Variants in XKR4 observed in about 807,000 individuals in gnomAD.
XKR4 encodes the protein XK related 4, also known as XK-related protein 4.
XKR4 carries 12 observed loss-of-function variants against 53.9 expected under a neutral mutation model. The observed-to-expected ratio is 0.22, with a 90% CI of 0.14 to 0.36. XKR4 has a LOEUF of 0.36. Ranked by LOEUF, XKR4 falls within the 10% of genes least tolerant of loss-of-function variation. XKR4 has a pLI of 1.00. For missense variants in XKR4, 799 were observed against 859.5 expected, an observed-to-expected ratio of 0.93 and a Z score of 0.88; for synonymous variants, 354 against 362.4, an observed-to-expected ratio of 0.98 and a Z score of 0.26.
chr8:55,251,680 A>G (rs1818364183), intron 1 of XKR4, among the ~76,000 whole-genome samples: 1 of 152,186 alleles, frequency 6.6e-6, no homozygotes, highest in African/African-American at 2.4e-5. Flanking sequence ...CTTTTAAGAC[A>G]GTAGGTGTGG....
intron 2 of XKR4, among the ~76,000 whole-genome samples, chr8:55,472,655 C>T (rs796657579): frequency 6.6e-6 from 1 of 151,982 alleles, no homozygotes; most frequent in South Asian, 2.1e-4. Flanking sequence ...CAAGGTGATG[C>T]GCACTGTCAT....
chr8:55,448,494 G>C (rs559796539), intron 2 of XKR4, among the ~76,000 whole-genome samples: 29 of 152,234 alleles, frequency 1.9e-4, no homozygotes, highest in Non-Finnish European at 2.9e-4. Context: ...GCACATCTGC[G>C]TAATGTCTAG....
intron 2 of XKR4, among the ~76,000 whole-genome samples, chr8:55,464,311 G>C (rs1031807390): frequency 1.3e-5 from 2 of 152,096 alleles, no homozygotes; most frequent in African/African-American, 4.8e-5. Context: ...GGGATGCAAG[G>C]CTGGTTCAAC....
Position 55,148,403 on chromosome 8 carries a change from T to TA in XKR4, c.806+45118dup, listed in dbSNP as rs201984153. The stretch of plus-strand genomic sequence containing the variant: ...GTGGGTAACAGAGGAAGACCCTGTC[T>TA]AAAAAAAAATATATATATATATACC... On this transcript the variant is annotated intron_variant, in intron 1 of 2. Transcript: ENST00000327381. 5.3e-5 allele frequency among the ~76,000 whole-genome samples: 8 copies of TA among 150,252 alleles called. No individual in the cohort carries two copies. In the East Asian group the frequency reaches 5.9e-4, roughly 11 times the overall value.
At chr8:55,465,017 C>T (rs1294363048) in intron 2 of XKR4, among the ~76,000 whole-genome samples, 1 of 152,084 alleles carries the variant, frequency 6.6e-6, no homozygotes, top group Non-Finnish European at 1.5e-5. Context: ...ACATTCCATG[C>T]TCATGGGTAG....
intron 2 of XKR4, among the ~76,000 whole-genome samples, chr8:55,488,284 T>A (rs530730065): frequency 6.6e-6 from 1 of 152,286 alleles, no homozygotes; most frequent in Admixed American, 6.5e-5. Flanking sequence ...TGCAGCCACT[T>A]TGGAAAAACT....
At chr8:55,229,946 G>T (rs1459459710) in intron 1 of XKR4, among the ~76,000 whole-genome samples, 1 of 151,286 alleles carries the variant, frequency 6.6e-6, no homozygotes, top group Non-Finnish European at 1.5e-5. Context: ...TGAGCACCTG[G>T]CTCGAGGCCT....
At chr8:55,366,040 C>G (rs975387339) in intron 2 of XKR4, among the ~76,000 whole-genome samples, 2 of 152,306 alleles carry the variant, frequency 1.3e-5, no homozygotes, top group South Asian at 4.1e-4. Flanking sequence ...TGGGCTGGGA[C>G]GAGGCTGGGG....
chr8:55,159,799 A>G (rs1026069306), intron 1 of XKR4, among the ~76,000 whole-genome samples: 2 of 152,208 alleles, frequency 1.3e-5, no homozygotes, highest in Admixed American at 6.5e-5. Flanking sequence ...TGAGATCTAG[A>G]GCACAGAGAA....
In XKR4 at chr8:55,487,635, T is replaced by A. The variant is rs535326819; in HGVS notation, c.1007-35646T>A. Among the ~76,000 whole-genome samples, 6 of 152,144 alleles carry A rather than the reference T, an allele frequency of 3.9e-5. 1 individual carries two copies. In the East Asian group the frequency reaches 9.7e-4, roughly 25 times the overall value. ...GTATGCATCACCATGCCCAGATAAC[T>A]TTTTTGTATTTTTAGTAGAGATGGG... On this transcript the variant is annotated intron_variant, in intron 2 of 2. Transcript: ENST00000327381.
intron 2 of XKR4, among the ~76,000 whole-genome samples, chr8:55,444,322 C>G (rs1805314383): frequency 1.3e-5 from 2 of 152,158 alleles, no homozygotes; most frequent in Non-Finnish European, 2.9e-5. Flanking sequence ...ATGGATTAAT[C>G]TCTCTTAAAA....
intron 2 of XKR4, among the ~76,000 whole-genome samples, chr8:55,511,727 C>T (rs1198768486): frequency 2.6e-5 from 4 of 152,202 alleles, no homozygotes; most frequent in African/African-American, 9.7e-5. Context: ...ACATTCTGCA[C>T]AGGTAAATAA....
At chr8:55,312,753 G>C (rs1239018211) in intron 1 of XKR4, among the ~76,000 whole-genome samples, 1 of 151,950 alleles carries the variant, frequency 6.6e-6, no homozygotes, top group Non-Finnish European at 1.5e-5. Flanking sequence ...TTCCTCTTTT[G>C]GGTTTAATTT....
intron 2 of XKR4, among the ~76,000 whole-genome samples, chr8:55,443,095 G>T (rs560576227): frequency 1.5e-4 from 23 of 152,206 alleles, no homozygotes; most frequent in African/African-American, 5.3e-4. Flanking sequence ...CTTTTTATAG[G>T]TAAGAAAGTG....
intron 2 of XKR4, among the ~76,000 whole-genome samples, chr8:55,434,891 C>T (rs1805152444): frequency 6.6e-6 from 1 of 152,242 alleles, no homozygotes. Context: ...CCAGCTCTCC[C>T]TTCCCTGCTG....
intron 2 of XKR4, among the ~76,000 whole-genome samples, chr8:55,421,897 G>A (rs781450431): frequency 3.3e-5 from 5 of 152,170 alleles, no homozygotes; most frequent in Non-Finnish European, 7.4e-5. Context: ...AACGTCCTTG[G>A]TTCCAGCCCC....
chr8:55,309,355 G>C (rs1244004477), intron 1 of XKR4, among the ~76,000 whole-genome samples: 1 of 152,166 alleles, frequency 6.6e-6, no homozygotes, highest in Admixed American at 6.5e-5. Context: ...TATTTAATAT[G>C]ACAACATTTC....
At chr8:55,311,373 G>T (rs1819385841) in intron 1 of XKR4, among the ~76,000 whole-genome samples, 1 of 152,168 alleles carries the variant, frequency 6.6e-6, no homozygotes, top group Non-Finnish European at 1.5e-5. Flanking sequence ...AGCAAATGAA[G>T]ACAGAGAAAT....
chr8:55,212,555 C>A (rs930490592), intron 1 of XKR4, among the ~76,000 whole-genome samples: 1 of 152,264 alleles, frequency 6.6e-6, no homozygotes, highest in Non-Finnish European at 1.5e-5. Context: ...CATCTATTCC[C>A]ATCATGGCCT....
Sources: allele counts gnomAD v4.1 joint callset (sites outside exome capture counted in the v4.1 genomes callset), GRCh38; gene constraint gnomAD v4.1.1; transcripts MANE v1.5; gene names NCBI Gene and HGNC (gene_info 2026-07-23, HGNC 2026-07-21).